Variants in NMNAT1 observed in about 807,000 individuals in gnomAD.
The protein encoded by NMNAT1 is nicotinamide nucleotide adenylyltransferase 1.
A neutral mutation model predicts 16.7 loss-of-function variants in NMNAT1; 11 were observed. That is an observed-to-expected ratio of 0.66 (90% confidence interval 0.41 to 1.09). The LOEUF (loss-of-function observed/expected upper bound fraction) is 1.09. Among genes scored for constraint, NMNAT1 ranks in the 50% least tolerant of loss-of-function variants. The pLI, the probability that NMNAT1 is intolerant of heterozygous loss-of-function variation, is 0.00. For missense variants in NMNAT1, 280 were observed against 332.3 expected, an observed-to-expected ratio of 0.84 and a Z score of 1.22; for synonymous variants, 110 against 119.8, an observed-to-expected ratio of 0.92 and a Z score of 0.53.
At chr1:9,944,934 A>G (rs939743496) in intron 1 of NMNAT1, among the ~76,000 whole-genome samples, 4 of 152,172 alleles carry the variant, frequency 2.6e-5, no homozygotes, top group African/African-American at 9.7e-5. Context: ...GATTCAAAGA[A>G]TTTCCTTTGC....
At chr1:9,956,642 C>T (rs905635314) in intron 1 of NMNAT1, among the ~76,000 whole-genome samples, 2 of 151,634 alleles carry the variant, frequency 1.3e-5, no homozygotes, top group African/African-American at 4.8e-5. Flanking sequence ...AAGCTGGTCT[C>T]GAACTCCTGA....
At chr1:9,987,362 A>T (rs1642057631), downstream of NMNAT1, among the ~76,000 whole-genome samples, 1 of 151,666 alleles carries the variant, frequency 6.6e-6, no homozygotes, top group South Asian at 2.1e-4. Context: ...GCCAGGCAGC[A>T]GGGCGCAGTG....
intron 1 of NMNAT1, among the ~76,000 whole-genome samples, chr1:9,971,046 G>A (rs1448600467): frequency 2.0e-5 from 3 of 151,942 alleles, no homozygotes; most frequent in Non-Finnish European, 2.9e-5. Context: ...TTGCTTATGT[G>A]TCTGAGCAGA....
At chr1:9,957,980 T>C (rs1335622314) in intron 1 of NMNAT1, among the ~76,000 whole-genome samples, 1 of 152,188 alleles carries the variant, frequency 6.6e-6, no homozygotes, top group African/African-American at 2.4e-5. Flanking sequence ...AGTTGAGACA[T>C]TGGTCCCCTC....
At chr1:9,992,273 G>A in the NMNAT1 span, among the ~76,000 whole-genome samples, 1 of 151,890 alleles carries the variant, frequency 6.6e-6, no homozygotes, top group Non-Finnish European at 1.5e-5. Flanking sequence ...TATAGAGACA[G>A]GACATTGCCA....
intron 1 of NMNAT1, among the ~76,000 whole-genome samples, chr1:9,970,654 A>G (rs953213246): frequency 2.0e-5 from 3 of 151,342 alleles, no homozygotes; most frequent in Admixed American, 6.6e-5. Context: ...GCGCCAATGC[A>G]CTCCAGCCTG....
At chr1:9,964,017 A>T (rs1641485883) in intron 1 of NMNAT1, among the ~76,000 whole-genome samples, 1 of 151,512 alleles carries the variant, frequency 6.6e-6, no homozygotes, top group African/African-American at 2.4e-5. Flanking sequence ...TCAGCCTCCC[A>T]AGTAGCTGGG....
At chr1:9,986,023 C>G (rs1387114692), downstream of NMNAT1, among the ~76,000 whole-genome samples, 1 of 152,300 alleles carries the variant, frequency 6.6e-6, no homozygotes, top group Middle Eastern at 3.4e-3. Flanking sequence ...GGGATGATCA[C>G]TGTCCCCTTG....
the NMNAT1 span, among the ~76,000 whole-genome samples, chr1:9,996,654 C>A: frequency 6.6e-6 from 1 of 152,114 alleles, no homozygotes; most frequent in East Asian, 1.9e-4. Flanking sequence ...GGATACTGAC[C>A]TTTGGTGCTT....
intron 2 of NMNAT1, among the ~76,000 whole-genome samples, chr1:9,975,260 G>A (rs570031382): frequency 6.6e-6 from 1 of 152,238 alleles, no homozygotes; most frequent in South Asian, 2.1e-4. Context: ...CAGCACTTTG[G>A]GAGGCTGAGG....
At chr1:9,986,659 ATTGT>A (rs1240729092), downstream of NMNAT1, among the ~76,000 whole-genome samples, 1 of 152,220 alleles carries the variant, frequency 6.6e-6, no homozygotes, top group African/African-American at 2.4e-5. Flanking sequence ...GAGGCAGCAG[ATTGT>A]TTGAGCCCAG....
At chr1:9,969,196 T>C (rs908108527) in intron 1 of NMNAT1, among the ~76,000 whole-genome samples, 1 of 152,118 alleles carries the variant, frequency 6.6e-6, no homozygotes, top group East Asian at 1.9e-4. Flanking sequence ...GCACAAGCCC[T>C]ACCTACCCAC....
chr1:9,969,271 A>T (rs1641635390), intron 1 of NMNAT1, among the ~76,000 whole-genome samples: 2 of 152,252 alleles, frequency 1.3e-5, no homozygotes, highest in South Asian at 4.1e-4. Context: ...TGGTAGAGAA[A>T]TAGAGATGAT....
intron 2 of NMNAT1, among the ~76,000 whole-genome samples, chr1:9,974,475 G>T (rs553195943): frequency 6.7e-6 from 1 of 150,050 alleles, no homozygotes; most frequent in Admixed American, 6.7e-5. Context: ...TGCAAACTCC[G>T]CCTCCCAGGC....
rs372871420 is a variant in NMNAT1 at position 9,962,865 on chromosome 1, T to G, written c.-56-9153T>G. Among the ~76,000 whole-genome samples the G allele has an allele frequency of 3.4e-4, 51 of 152,082 alleles. No individual in the cohort carries two copies. The East Asian group carries it at 5.5e-3, about 16-fold the overall frequency. ...CCCGGCTAATTTTTTGTATTTTTAGTAGAGACAGGGTTTCACCGTTTTAGC... is the reference window on the plus strand; with the variant it reads ...CCCGGCTAATTTTTTGTATTTTTAGGAGAGACAGGGTTTCACCGTTTTAGC... On this transcript the variant is annotated intron_variant, in intron 1 of 4. Transcript: ENST00000377205.
rs185764154 is a variant in NMNAT1, at chr1:9,952,326, T to A, written c.-57+8811T>A. The stretch of plus-strand genomic sequence containing the variant: ...CAAAGAAAAAAAAAGAAATTCATTG[T>A]TTAAAAACATACACAGTCTGTTGCC... On this transcript the variant is annotated intron_variant, in intron 1 of 4. Transcript: ENST00000377205. The A allele has an allele frequency of 1.1e-3, 170 of 151,900 alleles. 1 individual carries two copies. Among genetic ancestry groups the A allele is most frequent in the African/African-American group, 4.0e-3 (165 of 41,462 alleles). The allele number at this position is 151,900 out of a possible 1,614,324, so 9.4% of individuals were successfully genotyped here. A position where few individuals can be genotyped will look rare whatever the true frequency, so the allele number is the denominator to read the frequency against.
At chr1:9,968,871 C>T (rs185901105) in intron 1 of NMNAT1, among the ~76,000 whole-genome samples, 43 of 146,064 alleles carry the variant, frequency 2.9e-4, no homozygotes, top group Middle Eastern at 3.7e-3. Flanking sequence ...ACCTGGAAGG[C>T]AGAGGTTGCA....
At chr1:9,951,621 C>T (rs142386432) in intron 1 of NMNAT1, among the ~76,000 whole-genome samples, 2,425 of 152,074 alleles carry the variant, frequency 0.016, 61 homozygotes, top group African/African-American at 0.054. Flanking sequence ...ACTACAGGCA[C>T]GTGCCACCAG....
chr1:9,968,350 G>A (rs1273511285), intron 1 of NMNAT1, among the ~76,000 whole-genome samples: 1 of 151,384 alleles, frequency 6.6e-6, no homozygotes, highest in Admixed American at 6.6e-5. Flanking sequence ...GGGATTACAG[G>A]CGTGAGCCGC....
Sources: allele counts gnomAD v4.1 joint callset (sites outside exome capture counted in the v4.1 genomes callset), GRCh38; gene constraint gnomAD v4.1.1; transcripts MANE v1.5; gene names NCBI Gene and HGNC (gene_info 2026-07-23, HGNC 2026-07-21).